The following UBE3D variants were observed in gnomAD, a reference collection of about 807,000 sequenced individuals.
UBE3D encodes the protein E3 ubiquitin-protein ligase E3D.
In UBE3D, 48 loss-of-function variants were observed where a neutral mutation model predicts 49.6. The observed-to-expected ratio is 0.97, with a 90% confidence interval of 0.77 to 1.23. The LOEUF is 1.23. Among genes scored for constraint, UBE3D ranks in the 50% most tolerant of loss-of-function variants. The pLI, the probability that UBE3D is intolerant of heterozygous loss-of-function variation, is 0.00. For synonymous variants in UBE3D, 189 were observed against 174.2 expected (o/e 1.08, Z -0.67); for missense variants, 452 against 468.4 (o/e 0.96, Z 0.32).
intron 8 of UBE3D, among the ~76,000 whole-genome samples, chr6:82,989,035 T>C (rs535181594): frequency 1.3e-5 from 2 of 152,210 alleles, no homozygotes; most frequent in East Asian, 3.9e-4. Flanking sequence ...CCCTCAAGTA[T>C]CTTATTTCAA....
chr6:82,952,952 C>A (rs1373331929), intron 9 of UBE3D, among the ~76,000 whole-genome samples: 1 of 152,182 alleles, frequency 6.6e-6, no homozygotes, highest in Non-Finnish European at 1.5e-5. Flanking sequence ...TTAAAACCAG[C>A]AGCTCTTGCC....
intron 6 of UBE3D, 40 bp from the exon 7 acceptor site, chr6:83,022,601 T>C: frequency 1.4e-6 from 2 of 1,449,426 alleles, no homozygotes; most frequent in Non-Finnish European, 9.3e-7. Flanking sequence ...GTGTATCTCA[T>C]AATAACTCTA....
intron 8 of UBE3D, among the ~76,000 whole-genome samples, chr6:82,993,905 C>T (rs1362000880): frequency 6.6e-6 from 1 of 152,228 alleles, no homozygotes; most frequent in Non-Finnish European, 1.5e-5. Flanking sequence ...TAGTGCTACA[C>T]ATTGTATGTT....
intron 1 of UBE3D, among the ~76,000 whole-genome samples, chr6:83,060,861 C>A (rs1036544010): frequency 7.2e-5 from 11 of 152,104 alleles, no homozygotes; most frequent in African/African-American, 2.2e-4. Flanking sequence ...AAATAAAACC[C>A]ACTGAGTAAC....
At chr6:83,054,317 G>T in intron 2 of UBE3D, 79 bp from the exon 3 acceptor site, 2 of 1,045,558 alleles carry the variant, frequency 1.9e-6, no homozygotes, top group Non-Finnish European at 2.9e-6. Flanking sequence ...CAATAGCCAC[G>T]ATAAATTACC....
chr6:82,888,318 G>A (rs1484915201), downstream of UBE3D, among the ~76,000 whole-genome samples: 3 of 148,250 alleles, frequency 2.0e-5, no homozygotes, highest in African/African-American at 2.5e-5. Flanking sequence ...TTTTTTTTAA[G>A]CAGATTTATT....
intron 6 of UBE3D, among the ~76,000 whole-genome samples, chr6:83,023,156 CTAAG>C (rs1403221454): frequency 6.6e-6 from 1 of 152,146 alleles, no homozygotes; most frequent in Non-Finnish European, 1.5e-5. Context: ...GATTTAGTGA[CTAAG>C]TACCATGTTT....
downstream of UBE3D, among the ~76,000 whole-genome samples, chr6:82,889,568 C>G (rs1242567866): frequency 6.6e-6 from 1 of 151,890 alleles, no homozygotes; most frequent in Non-Finnish European, 1.5e-5. Flanking sequence ...ATTATTTTAA[C>G]CATATATGGT....
chr6:83,024,943 G>A (rs907951283), intron 5 of UBE3D, among the ~76,000 whole-genome samples: 1 of 152,140 alleles, frequency 6.6e-6, no homozygotes. Flanking sequence ...AATTGATTGA[G>A]GGGCCAGGAC....
At chr6:82,942,240 G>T (rs751559390) in intron 9 of UBE3D, among the ~76,000 whole-genome samples, 37 of 152,296 alleles carry the variant, frequency 2.4e-4, no homozygotes, top group Admixed American at 1.8e-3. Flanking sequence ...GAGACTGGAG[G>T]CATTTTGCCC....
intron 8 of UBE3D, among the ~76,000 whole-genome samples, chr6:82,988,457 G>T (rs1041448099): frequency 6.6e-6 from 1 of 151,518 alleles, no homozygotes; most frequent in Non-Finnish European, 1.5e-5. Context: ...TGAAGTACAA[G>T]ACATGAGAAA....
chr6:82,930,138 G>A (rs1316296950), intron 9 of UBE3D, among the ~76,000 whole-genome samples: 2 of 152,012 alleles, frequency 1.3e-5, no homozygotes, highest in Admixed American at 6.6e-5. Context: ...TTTTATAAGC[G>A]GCTTCTCCCA....
chr6:82,921,749 T>C (rs1447301742), intron 9 of UBE3D, among the ~76,000 whole-genome samples: 1 of 152,096 alleles, frequency 6.6e-6, no homozygotes, highest in Non-Finnish European at 1.5e-5. Flanking sequence ...GGAACATATT[T>C]TCATCCAGGC....
At chr6:82,885,643 C>T in the UBE3D span, among the ~76,000 whole-genome samples, 1 of 152,146 alleles carries the variant, frequency 6.6e-6, no homozygotes, top group African/African-American at 2.4e-5. Flanking sequence ...CATTTTAGAG[C>T]TCAAAAAGCC....
chr6:82,923,286 A>G (rs1487310005), intron 9 of UBE3D, among the ~76,000 whole-genome samples: 2 of 152,250 alleles, frequency 1.3e-5, no homozygotes, highest in Non-Finnish European at 2.9e-5. Context: ...ACTATTCACA[A>G]TAGCAAAGAC....
chr6:83,027,840 T>C (rs2127784279), intron 5 of UBE3D, among the ~76,000 whole-genome samples: 1 of 152,304 alleles, frequency 6.6e-6, no homozygotes, highest in South Asian at 2.1e-4. Context: ...TTCTCAACAA[T>C]TATCTCTTCA....
At chr6:82,955,809 C>T (rs776450303) in intron 9 of UBE3D, among the ~76,000 whole-genome samples, 2 of 152,150 alleles carry the variant, frequency 1.3e-5, no homozygotes, top group Admixed American at 6.6e-5. Flanking sequence ...CCAGTTTGGT[C>T]TCTGACCCAC....
intron 9 of UBE3D, among the ~76,000 whole-genome samples, chr6:82,954,235 GCAA>G (rs1776003428): frequency 6.6e-6 from 1 of 152,154 alleles, no homozygotes; most frequent in African/African-American, 2.4e-5. Context: ...TGGGACCACT[GCAA>G]CAACTTAGTA....
At chr6:83,059,286 G>A (rs1784015502) in intron 1 of UBE3D, among the ~76,000 whole-genome samples, 1 of 152,148 alleles carries the variant, frequency 6.6e-6, no homozygotes, top group Admixed American at 6.5e-5. Flanking sequence ...CCACTCAGGA[G>A]GCTGAGATGG....
Sources: allele counts gnomAD v4.1 joint callset (sites outside exome capture counted in the v4.1 genomes callset), GRCh38; gene constraint gnomAD v4.1.1; transcripts MANE v1.5; gene names NCBI Gene and HGNC (gene_info 2026-07-23, HGNC 2026-07-21).